Variants in RNF216 observed in about 807,000 individuals in gnomAD.
RNF216 encodes ring finger protein 216.
Under a neutral mutation model 110.8 loss-of-function variants are expected in RNF216, and 72 were observed. The observed-to-expected ratio is 0.65, with a 90% CI of 0.54 to 0.79. The LOEUF is 0.79. RNF216 is among the 30% of genes least tolerant of loss of function. The pLI is 0.00. For synonymous variants in RNF216, 495 were observed against 407.5 expected (o/e 1.21, Z -2.59); for missense variants, 1,342 against 1,141.2 (o/e 1.18, Z -2.54).
chr7:5,742,000 T>C (rs1794785572), intron 3 of RNF216, among the ~76,000 whole-genome samples, 185 bp from the exon 4 acceptor site: 1 of 152,230 alleles, frequency 6.6e-6, no homozygotes, highest in Admixed American at 6.5e-5. Context: ...TCTGTAAGAA[T>C]CAAAGTAGTC....
At chr7:5,640,821 C>T (rs369753877) in intron 15 of RNF216, among the ~76,000 whole-genome samples, 12 of 152,158 alleles carry the variant, frequency 7.9e-5, no homozygotes, top group Admixed American at 2.0e-4. Context: ...GGGCTATCTC[C>T]GTCAGGCTTT....
intron 9 of RNF216, among the ~76,000 whole-genome samples, chr7:5,719,059 A>G (rs955949734): frequency 1.2e-4 from 18 of 152,184 alleles, no homozygotes; most frequent in Admixed American, 8.5e-4. Flanking sequence ...TATTAATATT[A>G]TTAAGAACCA....
chr7:5,687,409 A>AG lies in RNF216; in HGVS notation c.2061+24351_2061+24352insC, dbSNP rs1554251842. Among the ~76,000 whole-genome samples, 51 of 150,302 alleles carry AG rather than the reference A, an allele frequency of 3.4e-4. No individual in the cohort carries two copies. In the South Asian group the frequency reaches 8.6e-3, roughly 25 times the overall value. ...AACTCCACCTCAAAAAAAAAAAAAA[A>AG]AAAAAGAAAAAGAAAAGAAAAGAAA... On this transcript the variant is annotated intron_variant, in intron 13 of 16. Transcript: ENST00000389902.
chr7:5,686,277 A>C lies in RNF216; in HGVS notation c.2061+25484T>G, dbSNP rs541328422. 3.7e-3 allele frequency among the ~76,000 whole-genome samples: 553 copies of C among 151,450 alleles called. 2 individuals carry two copies. Among genetic ancestry groups the C allele is most frequent in the African/African-American group, 0.013 (535 of 41,200 alleles). On this transcript the variant is annotated intron_variant, in intron 13 of 16. Transcript: ENST00000389902. ...AGCGTGCTTCTCCAAACTCTCAAGA[A>C]CACCACTGCTGCCACGTGGTTTCTG... is the stretch of plus-strand genomic sequence containing the variant.
chr7:5,678,850 A>AGT (rs1256032584), intron 13 of RNF216, among the ~76,000 whole-genome samples: 1 of 152,228 alleles, frequency 6.6e-6, no homozygotes, highest in African/African-American at 2.4e-5. Context: ...GGATAAATTA[A>AGT]GAGGCAAAGG....
chr7:5,762,902 G>T (rs1319605745), intron 1 of RNF216, among the ~76,000 whole-genome samples: 6 of 152,140 alleles, frequency 3.9e-5, no homozygotes, highest in African/African-American at 1.2e-4. Context: ...GTAGCAGAGT[G>T]GGGTAGTAGA....
chr7:5,768,022 A>C (rs1362270138), intron 1 of RNF216, among the ~76,000 whole-genome samples: 2 of 152,116 alleles, frequency 1.3e-5, no homozygotes, highest in African/African-American at 4.8e-5. Context: ...AAACAGACTT[A>C]ATAAAGAGCA....
At chr7:5,685,321 A>AACG (rs1303784691) in intron 13 of RNF216, among the ~76,000 whole-genome samples, 1 of 152,172 alleles carries the variant, frequency 6.6e-6, no homozygotes, top group African/African-American at 2.4e-5. Flanking sequence ...CCATGAATAA[A>AACG]ACGTGATTAA....
rs551471301 is a variant in RNF216, at chr7:5,702,725, TAAATTTTAAAAAGTG to T, written c.2061+9021_2061+9035del. On this transcript the variant is annotated intron_variant, in intron 13 of 16. Transcript: ENST00000389902. ...GTGATGAATAGATTCACTATGCTTT[TAAATTTTAAAAAGTG>T]AAATTTTAAAAAGTGAAAACTGACA... 6.4e-4 allele frequency among the ~76,000 whole-genome samples: 97 copies of T among 152,358 alleles called. No individual in the cohort carries two copies. The South Asian group carries it at 0.013, about 20-fold the overall frequency.
At chr7:5,665,120 G>T (rs1789423834) in intron 13 of RNF216, among the ~76,000 whole-genome samples, 1 of 152,154 alleles carries the variant, frequency 6.6e-6, no homozygotes, top group African/African-American at 2.4e-5. Context: ...ATTCTAACAT[G>T]AATTCTTCTA....
At position 5,652,584 on chromosome 7, in the gene RNF216, G is replaced by C. The variant is rs1046633272; in HGVS notation, c.2062-74C>G. On this transcript the variant is annotated intron_variant, in intron 13 of 16. Coordinates refer to ENST00000389902, the MANE Select transcript of RNF216 (RefSeq NM_207111.4). Reference sequence around the variant, plus strand: ...ACAGAAGTTCCTGTTCAACAAAAGGGATATGAAATGAGCTTTACTTGGCTT... The same window carrying C: ...ACAGAAGTTCCTGTTCAACAAAAGGCATATGAAATGAGCTTTACTTGGCTT... The C allele has an allele frequency of 5.3e-6, 5 of 938,126 alleles. No homozygotes were observed. In the African/African-American group the frequency reaches 6.5e-5, roughly 12 times the overall value. The allele number at this position is 938,126 out of a possible 1,614,324, so 58.1% of individuals were successfully genotyped here. A position where few individuals can be genotyped will look rare whatever the true frequency, so the allele number is the denominator to read the frequency against.
intron 1 of RNF216, among the ~76,000 whole-genome samples, chr7:5,765,518 T>A (rs1796157178): frequency 6.6e-6 from 1 of 152,016 alleles, no homozygotes; most frequent in Admixed American, 6.6e-5. Flanking sequence ...TAGTCCCAGC[T>A]ACTCAGGAAG....
chr7:5,730,964 A>G (rs1225648876), intron 5 of RNF216, 147 bp from the exon 6 acceptor site: 2 of 1,257,452 alleles, frequency 1.6e-6, no homozygotes, highest in Non-Finnish European at 2.2e-6. Context: ...GCCCAGAAAA[A>G]CTAAACCAAT....
chr7:5,659,073 T>A (rs1788932825), intron 13 of RNF216, among the ~76,000 whole-genome samples: 1 of 152,154 alleles, frequency 6.6e-6, no homozygotes, highest in South Asian at 2.1e-4. Context: ...GCTTCTGATG[T>A]AGGACACTAG....
At chr7:5,684,343 G>A (rs1790846271) in intron 13 of RNF216, among the ~76,000 whole-genome samples, 1 of 151,764 alleles carries the variant, frequency 6.6e-6, no homozygotes, top group Admixed American at 6.6e-5. Flanking sequence ...TCCTGACCTC[G>A]TGACCCACCT....
chr7:5,756,972 T>C (rs1467451521), intron 2 of RNF216, among the ~76,000 whole-genome samples: 1 of 152,210 alleles, frequency 6.6e-6, no homozygotes, highest in African/African-American at 2.4e-5. Context: ...TTTTAGGCCA[T>C]AAGTTTTCCT....
intron 13 of RNF216, among the ~76,000 whole-genome samples, chr7:5,669,827 G>A (rs995299387): frequency 2.6e-5 from 4 of 152,100 alleles, no homozygotes; most frequent in Non-Finnish European, 5.9e-5. Context: ...GGGAGGTGGA[G>A]ATAACATCGA....
intron 1 of RNF216, among the ~76,000 whole-genome samples, chr7:5,772,429 G>A (rs1796545956): frequency 6.6e-6 from 1 of 152,118 alleles, no homozygotes; most frequent in Non-Finnish European, 1.5e-5. Context: ...AGATTTAAAT[G>A]TGCTTCTTGC....
At chr7:5,721,548 G>T (rs571895859) in intron 8 of RNF216, among the ~76,000 whole-genome samples, 2 of 152,154 alleles carry the variant, frequency 1.3e-5, no homozygotes, top group African/African-American at 4.8e-5. Context: ...ATGTATGTCC[G>T]CAATTTACCT....
Sources: gnomAD v4.1 joint callset for allele counts (sites outside exome capture counted in the v4.1 genomes callset) on GRCh38, gnomAD v4.1.1 for gene constraint, MANE v1.5 for transcripts, NCBI Gene and HGNC (gene_info 2026-07-23, HGNC 2026-07-21) for gene names.